Variants in RORA observed in about 807,000 individuals in gnomAD.
RORA encodes the protein RAR related orphan receptor A.
A neutral mutation model predicts 69.5 loss-of-function variants in RORA; 7 were observed. The ratio of observed to expected loss-of-function variants is 0.10; its 90% confidence interval spans 0.06 to 0.19. The LOEUF is 0.19. Ranked by LOEUF, RORA falls within the 10% of genes least tolerant of loss-of-function variation. RORA has a pLI of 1.00. For missense variants in RORA, 457 were observed against 663.0 expected, an observed-to-expected ratio of 0.69 and a Z score of 3.41; for synonymous variants, 261 against 240.8, an observed-to-expected ratio of 1.08 and a Z score of -0.78.
At chr15:60,509,457 C>T (rs369358441) in intron 5 of RORA, among the ~76,000 whole-genome samples, 48 of 152,288 alleles carry the variant, frequency 3.2e-4, no homozygotes, top group African/African-American at 1.1e-3. Context: ...CTGACTTGTC[C>T]GGGAGCCTCA....
chr15:61,016,642 C>T (rs551269495), intron 1 of RORA, among the ~76,000 whole-genome samples: 3 of 152,218 alleles, frequency 2.0e-5, no homozygotes, highest in Admixed American at 6.5e-5. Context: ...TCATAAGCTA[C>T]GCCCATCATC....
In RORA at chr15:60,730,760, G is replaced by A. The variant is rs553467161; in HGVS notation, c.167-52074C>T. ...CTATATTTGGTTACTTTCTAACACT[G>A]TTTAGTATTTACAAGGAATAAATAG... is the stretch of plus-strand genomic sequence containing the variant. On this transcript the variant is annotated intron_variant, in intron 1 of 10. Transcript: ENST00000335670. 4.6e-5 allele frequency among the ~76,000 whole-genome samples: 7 copies of A among 151,974 alleles called. 1 individual carries two copies. The highest frequency in any genetic ancestry group is 1.7e-4 in the African/African-American group (7 of 41,428).
chr15:60,681,847 G>A (rs2070646620), intron 1 of RORA: 1 of 152,132 alleles, frequency 6.6e-6, no homozygotes, highest in African/African-American at 2.4e-5. Context: ...AAAAAAAATC[G>A]TATGCAAACC....
intron 1 of RORA, among the ~76,000 whole-genome samples, chr15:60,761,345 A>T (rs2140872290): frequency 6.6e-6 from 1 of 152,012 alleles, no homozygotes; most frequent in East Asian, 1.9e-4. Context: ...CAAGAAAACC[A>T]CCCAGAACGC....
intron 1 of RORA, among the ~76,000 whole-genome samples, chr15:61,088,226 C>T (rs1595970973): frequency 6.6e-6 from 1 of 152,292 alleles, no homozygotes; most frequent in South Asian, 2.1e-4. Flanking sequence ...GGCGAAATGA[C>T]AACCTGTGGA....
intron 1 of RORA, among the ~76,000 whole-genome samples, chr15:61,110,598 G>A (rs1366565878): frequency 1.3e-5 from 2 of 152,090 alleles, no homozygotes; most frequent in Non-Finnish European, 2.9e-5. Flanking sequence ...AGGCATTGCT[G>A]TTATAGGCGA....
chr15:61,138,443 G>A (rs935423555), intron 1 of RORA, among the ~76,000 whole-genome samples: 1 of 152,134 alleles, frequency 6.6e-6, no homozygotes, highest in Non-Finnish European at 1.5e-5. Flanking sequence ...CATGTTGGCC[G>A]TCATTACTCC....
At chr15:60,671,132 T>G (rs76014158) in intron 2 of RORA, among the ~76,000 whole-genome samples, 6,807 of 147,182 alleles carry the variant, frequency 0.046, 202 homozygotes, top group Middle Eastern at 0.079. Context: ...TTCCAGGGTT[T>G]TTTTGGGTTT....
At chr15:60,565,991 A>G (rs2067701985) in intron 2 of RORA, among the ~76,000 whole-genome samples, 2 of 152,266 alleles carry the variant, frequency 1.3e-5, no homozygotes, top group Non-Finnish European at 2.9e-5. Context: ...AATATAATGC[A>G]AAGTTAATAA....
chr15:60,894,649 A>T (rs890466262), intron 1 of RORA, among the ~76,000 whole-genome samples: 3 of 152,136 alleles, frequency 2.0e-5, no homozygotes, highest in Non-Finnish European at 4.4e-5. Flanking sequence ...GTGAAAACAG[A>T]TTGCTGGGCT....
In RORA at chr15:60,836,451, A is replaced by C. The variant is rs561427070; in HGVS notation, c.167-157765T>G. 3.3e-5 allele frequency among the ~76,000 whole-genome samples: 5 copies of C among 152,188 alleles called. No individual in the cohort carries two copies. The South Asian group carries it at 1.0e-3, about 32-fold the overall frequency. On this transcript the variant is annotated intron_variant, in intron 1 of 10. Coordinates refer to ENST00000335670, the MANE Select transcript of RORA (RefSeq NM_134261.3). ...GACTCCTCCCTCTCTGCCTGTCCAGAAGTGAAGGTCCCACAGGCTTCCTTG... is the reference window on the plus strand; with the variant it reads ...GACTCCTCCCTCTCTGCCTGTCCAGCAGTGAAGGTCCCACAGGCTTCCTTG...
intron 1 of RORA, among the ~76,000 whole-genome samples, chr15:61,037,207 T>C (rs1419371967): frequency 1.3e-5 from 2 of 152,194 alleles, no homozygotes; most frequent in Non-Finnish European, 2.9e-5. Context: ...AAGTACTTAG[T>C]ACTGTGCCAG....
chr15:60,832,864 C>T (rs2073061537), intron 1 of RORA, among the ~76,000 whole-genome samples: 1 of 152,192 alleles, frequency 6.6e-6, no homozygotes. Flanking sequence ...GCCATCCAGC[C>T]TTCTCCTCGT....
In RORA at chr15:60,943,916, C is replaced by CAAA. The variant is rs545168599; in HGVS notation, c.167-265233_167-265231dup. ...GGGTGACAGAGCCAGACTCCATCTC[C>CAAA]AAAAAAAAAAAAAAAAAAAAAAAAG... On this transcript the variant is annotated intron_variant, in intron 1 of 10. Transcript: ENST00000335670. Among the ~76,000 whole-genome samples, 190 of 32,344 alleles carry CAAA rather than the reference C, an allele frequency of 5.9e-3. 27 individuals carry two copies. The highest frequency in any genetic ancestry group is 7.3e-3 in the African/African-American group (66 of 9,024). 21.2% of individuals were successfully genotyped at this position (32,344 alleles called of 152,430 possible). A position where few individuals can be genotyped will look rare whatever the true frequency, so the allele number is the denominator to read the frequency against.
intron 1 of RORA, among the ~76,000 whole-genome samples, chr15:61,000,868 G>A (rs1324877261): frequency 6.6e-6 from 1 of 152,036 alleles, no homozygotes. Context: ...TATCATGTGG[G>A]GACACCTGAG....
At position 60,782,738 on chromosome 15, in the gene RORA, T is replaced by C. The variant is rs559949764; in HGVS notation, c.167-104052A>G. On this transcript the variant is annotated intron_variant, in intron 1 of 10. Coordinates refer to ENST00000335670, the MANE Select transcript of RORA (RefSeq NM_134261.3). Reference sequence around the variant, plus strand: ...GAGTAGTAAGAGATAAGTGAACATGTGGGAAAATGTTCATCCCTGCTAGTA... The same window carrying C: ...GAGTAGTAAGAGATAAGTGAACATGCGGGAAAATGTTCATCCCTGCTAGTA... Among the ~76,000 whole-genome samples, 164 of 152,306 alleles carry C rather than the reference T, an allele frequency of 1.1e-3. 1 individual carries two copies. The highest frequency in any genetic ancestry group is 2.9e-3 in the African/African-American group (119 of 41,560).
chr15:60,601,630 T>C (rs1179731376), intron 2 of RORA, among the ~76,000 whole-genome samples: 1 of 152,234 alleles, frequency 6.6e-6, no homozygotes, highest in Non-Finnish European at 1.5e-5. Flanking sequence ...ATATTTACTG[T>C]TTTTACTTTT....
intron 1 of RORA, among the ~76,000 whole-genome samples, chr15:60,922,201 A>T (rs554099015): frequency 6.6e-6 from 1 of 152,290 alleles, no homozygotes; most frequent in South Asian, 2.1e-4. Flanking sequence ...TGGAGCACAG[A>T]GGATTTTGAG....
intron 1 of RORA, among the ~76,000 whole-genome samples, chr15:61,204,074 C>G (rs1224871464): frequency 1.3e-5 from 2 of 152,208 alleles, no homozygotes; most frequent in Non-Finnish European, 2.9e-5. Flanking sequence ...GAGCTCAACA[C>G]TGTGAATTCA....
Sources: allele counts gnomAD v4.1 joint callset (sites outside exome capture counted in the v4.1 genomes callset), GRCh38; gene constraint gnomAD v4.1.1; transcripts MANE v1.5; gene names NCBI Gene and HGNC (gene_info 2026-07-23, HGNC 2026-07-21).